ZNF385D: variants seen among roughly 807,000 people sequenced by gnomAD.
The protein encoded by ZNF385D is zinc finger protein 385D.
In ZNF385D, 15 loss-of-function variants were observed where a neutral mutation model predicts 35.8. That is an observed-to-expected ratio of 0.42 (90% CI 0.28 to 0.64). The LOEUF is 0.64. Ranked by LOEUF, ZNF385D falls within the 30% of genes least tolerant of loss-of-function variation. The pLI is 0.23. For missense variants in ZNF385D, 474 were observed against 494.6 expected (o/e 0.96, Z 0.39); for synonymous variants, 212 against 186.8 (o/e 1.13, Z -1.10).
intron 1 of ZNF385D, among the ~76,000 whole-genome samples, chr3:21,718,499 T>C (rs2068415273): frequency 6.6e-6 from 1 of 152,240 alleles, no homozygotes. Flanking sequence ...GCCCGGATAT[T>C]TGCTAAGAAC....
chr3:21,921,352 AT>A (rs1381997148), intron 3 of ZNF385D, among the ~76,000 whole-genome samples: 2 of 152,168 alleles, frequency 1.3e-5, no homozygotes, highest in Admixed American at 1.3e-4. Context: ...ATATGCAATC[AT>A]TAACTATAGA....
intron 3 of ZNF385D, among the ~76,000 whole-genome samples, chr3:21,847,223 T>C (rs1257639087): frequency 6.6e-6 from 1 of 152,084 alleles, no homozygotes; most frequent in Non-Finnish European, 1.5e-5. Flanking sequence ...AAACCCTGAA[T>C]GAATAAAAGA....
At chr3:22,174,293 C>CA (rs1694671676) in intron 2 of ZNF385D, among the ~76,000 whole-genome samples, 1 of 152,064 alleles carries the variant, frequency 6.6e-6, no homozygotes, top group Non-Finnish European at 1.5e-5. Flanking sequence ...TGCCTTTAGT[C>CA]ACTGTTCTTG....
chr3:22,133,164 C>T (rs1039691027), intron 3 of ZNF385D, among the ~76,000 whole-genome samples: 1 of 152,134 alleles, frequency 6.6e-6, no homozygotes, highest in African/African-American at 2.4e-5. Context: ...AAATACCCTT[C>T]CTGGAGATAT....
intron 3 of ZNF385D, among the ~76,000 whole-genome samples, chr3:21,991,557 G>C (rs138523362): frequency 1.3e-5 from 2 of 152,152 alleles, no homozygotes; most frequent in African/African-American, 4.8e-5. Flanking sequence ...TTTAGAAATC[G>C]TTGGTCAAAT....
At chr3:21,481,183 T>C (rs941577970) in intron 4 of ZNF385D, among the ~76,000 whole-genome samples, 1 of 152,196 alleles carries the variant, frequency 6.6e-6, no homozygotes, top group African/African-American at 2.4e-5. Flanking sequence ...AATTTTAATA[T>C]ATCTCACAGG....
At chr3:21,666,533 G>T (rs2066412715) in intron 1 of ZNF385D, among the ~76,000 whole-genome samples, 1 of 152,042 alleles carries the variant, frequency 6.6e-6, no homozygotes, top group African/African-American at 2.4e-5. Flanking sequence ...GTAAATAAAG[G>T]GCAGATGTCA....
chr3:22,300,843 T>G (rs1387801827), intron 2 of ZNF385D, among the ~76,000 whole-genome samples: 1 of 152,008 alleles, frequency 6.6e-6, no homozygotes, highest in African/African-American at 2.4e-5. Flanking sequence ...GATGGGAATA[T>G]AAATTAGTAT....
At chr3:22,309,467 A>T (rs893851507) in intron 2 of ZNF385D, among the ~76,000 whole-genome samples, 13 of 152,176 alleles carry the variant, frequency 8.5e-5, no homozygotes, top group African/African-American at 2.9e-4. Context: ...ACATCAAACT[A>T]TTTTTGTCTC....
chr3:21,820,743 A>C lies in ZNF385D; in HGVS notation c.326-155715T>G, dbSNP rs149022155. Among the ~76,000 whole-genome samples the C allele has an allele frequency of 1.1e-3, 174 of 151,830 alleles. 1 individual carries two copies. The highest frequency in any genetic ancestry group is 4.0e-3 in the African/African-American group (168 of 41,542). On this transcript the variant is annotated intron_variant, in intron 3 of 5. Transcript: ENST00000494108. ...TCAGGAATGAATAAAAAAGGGATATAATTATAGCTTCAACTTCTATTAAAA... is the reference window on the plus strand; with the variant it reads ...TCAGGAATGAATAAAAAAGGGATATCATTATAGCTTCAACTTCTATTAAAA...
chr3:21,831,844 T>A (rs755862165), intron 3 of ZNF385D, among the ~76,000 whole-genome samples: 7 of 152,224 alleles, frequency 4.6e-5, no homozygotes, highest in Non-Finnish European at 1.0e-4. Context: ...TCTTTAAAAT[T>A]ACATGACTTT....
chr3:21,577,788 G>A (rs1006778943), intron 2 of ZNF385D, among the ~76,000 whole-genome samples: 1 of 149,050 alleles, frequency 6.7e-6, no homozygotes, highest in African/African-American at 2.5e-5. Flanking sequence ...TCATATACTT[G>A]TTGGCCATTT....
intron 2 of ZNF385D, among the ~76,000 whole-genome samples, chr3:21,643,856 T>C (rs905443610): frequency 6.6e-6 from 1 of 152,126 alleles, no homozygotes; most frequent in Non-Finnish European, 1.5e-5. Flanking sequence ...TTTCCAAAAC[T>C]GCAGAAAGTT....
intron 3 of ZNF385D, among the ~76,000 whole-genome samples, chr3:22,161,499 G>T (rs1705946041): frequency 6.6e-6 from 1 of 151,934 alleles, no homozygotes; most frequent in South Asian, 2.1e-4. Flanking sequence ...AGTCTGTATT[G>T]TTTCCTAGAT....
chr3:21,774,096 G>A (rs2071191292), intron 3 of ZNF385D, among the ~76,000 whole-genome samples: 1 of 151,876 alleles, frequency 6.6e-6, no homozygotes, highest in Admixed American at 6.6e-5. Flanking sequence ...GCCTTAAAAA[G>A]GAACAAGATA....
rs570836452 is a variant in ZNF385D at position 22,082,463 on chromosome 3, C to A, written c.325+86354G>T. Among the ~76,000 whole-genome samples, 4 of 152,244 alleles carry A rather than the reference C, an allele frequency of 2.6e-5. No individual in the cohort carries two copies. In the East Asian group the frequency reaches 5.8e-4, roughly 22 times the overall value. ...CTTGCTCACTGCTAGTGCAGCAGTC[C>A]GAGATCAAACTGCAAGGCGGCAGCC... is the stretch of plus-strand genomic sequence containing the variant. On this transcript the variant is annotated intron_variant, in intron 3 of 5. Transcript: ENST00000494108.
chr3:22,302,152 G>C (rs1702936013), intron 2 of ZNF385D, among the ~76,000 whole-genome samples: 1 of 152,018 alleles, frequency 6.6e-6, no homozygotes, highest in Non-Finnish European at 1.5e-5. Context: ...CCAGAATGCA[G>C]GGATGCAGAT....
chr3:22,030,008 A>C (rs1467701593), intron 3 of ZNF385D, among the ~76,000 whole-genome samples: 1 of 151,738 alleles, frequency 6.6e-6, no homozygotes, highest in Non-Finnish European at 1.5e-5. Flanking sequence ...ACCCACCCTT[A>C]ATCTGGTGGG....
At chr3:22,173,397 T>G (rs1042684050) in intron 2 of ZNF385D, among the ~76,000 whole-genome samples, 1 of 152,096 alleles carries the variant, frequency 6.6e-6, no homozygotes, top group Non-Finnish European at 1.5e-5. Context: ...ATAGAGAAAA[T>G]TGGATGGGAG....
Sources: gnomAD v4.1 joint callset for allele counts (sites outside exome capture counted in the v4.1 genomes callset) on GRCh38, gnomAD v4.1.1 for gene constraint, MANE v1.5 for transcripts, NCBI Gene and HGNC (gene_info 2026-07-23, HGNC 2026-07-21) for gene names.